Variants in RAB3C observed in about 807,000 individuals in gnomAD.
The protein encoded by RAB3C is ras-related protein Rab-3C.
RAB3C carries 17 observed loss-of-function variants against 26.4 expected under a neutral mutation model. That is an observed-to-expected ratio of 0.64 (90% CI 0.44 to 0.97). The LOEUF (loss-of-function observed/expected upper bound fraction) is 0.97. Among genes scored for constraint, RAB3C ranks in the 50% least tolerant of loss-of-function variants. RAB3C has a pLI of 0.00. For synonymous variants in RAB3C, 91 were observed against 95.9 expected (o/e 0.95, Z 0.30); for missense variants, 242 against 281.9 (o/e 0.86, Z 1.01).
chr5:58,596,431 A>C (rs1414139989), intron 1 of RAB3C, among the ~76,000 whole-genome samples: 6 of 147,266 alleles, frequency 4.1e-5, no homozygotes, highest in Non-Finnish European at 1.5e-5. Context: ...ATTATTGTAG[A>C]GAGGTTTAGG....
intron 2 of RAB3C, among the ~76,000 whole-genome samples, 182 bp downstream of exon 2, chr5:58,618,052 G>C (rs1014625084): frequency 2.0e-4 from 26 of 130,790 alleles, no homozygotes; most frequent in Non-Finnish European, 3.9e-4. Flanking sequence ...AAGACATGAG[G>C]GGTGAATTAT....
At chr5:58,641,446 A>G (rs1747410638) in intron 2 of RAB3C, among the ~76,000 whole-genome samples, 1 of 152,222 alleles carries the variant, frequency 6.6e-6, no homozygotes, top group Non-Finnish European at 1.5e-5. Flanking sequence ...AACACCAGAA[A>G]TAGCATGGAA....
At chr5:58,829,590 C>T (rs918872399) in intron 4 of RAB3C, among the ~76,000 whole-genome samples, 4 of 152,156 alleles carry the variant, frequency 2.6e-5, no homozygotes, top group Admixed American at 2.0e-4. Context: ...ACTATAATTG[C>T]TTCTGAGGAG....
intron 2 of RAB3C, among the ~76,000 whole-genome samples, chr5:58,675,939 C>A (rs1748216168): frequency 6.7e-6 from 1 of 149,722 alleles, no homozygotes; most frequent in South Asian, 2.1e-4. Context: ...AGCTGGCCCA[C>A]CAAATTCCTT....
intron 3 of RAB3C, among the ~76,000 whole-genome samples, chr5:58,813,615 TATATATATATATATATATACAC>T (rs1420131070): frequency 0.092 from 5,637 of 61,114 alleles, 510 homozygotes; most frequent in African/African-American, 0.23. Flanking sequence ...TATATATATA[TATATATATATATATATATACAC>T]ACACACACAC....
At chr5:58,722,373 A>T (rs1740789782) in intron 2 of RAB3C, among the ~76,000 whole-genome samples, 1 of 151,560 alleles carries the variant, frequency 6.6e-6, no homozygotes, top group South Asian at 2.1e-4. Flanking sequence ...GGCAGCAGGC[A>T]TGGGGTCCCA....
intron 2 of RAB3C, among the ~76,000 whole-genome samples, chr5:58,693,906 C>T (rs158980): frequency 6.6e-6 from 1 of 151,832 alleles, no homozygotes; most frequent in Non-Finnish European, 1.5e-5. Context: ...CTATCCCATA[C>T]GTTCCCATCT....
chr5:58,818,795 G>A (rs1743274521), intron 3 of RAB3C, among the ~76,000 whole-genome samples: 1 of 152,202 alleles, frequency 6.6e-6, no homozygotes, highest in Non-Finnish European at 1.5e-5. Flanking sequence ...CTCATGAGAT[G>A]ATTGGAAATG....
intron 3 of RAB3C, among the ~76,000 whole-genome samples, chr5:58,759,483 A>C (rs1161365100): frequency 6.6e-6 from 1 of 152,202 alleles, no homozygotes. Context: ...TTTTGGAACA[A>C]GTGAGTAGGT....
At chr5:58,604,160 C>A (rs1746512324) in intron 1 of RAB3C, among the ~76,000 whole-genome samples, 2 of 152,180 alleles carry the variant, frequency 1.3e-5, no homozygotes, top group South Asian at 4.1e-4. Flanking sequence ...GTGATGTGAA[C>A]CATCTGTGGG....
At chr5:58,725,869 C>A in intron 2 of RAB3C, 133 bp from the exon 3 acceptor site, 7 of 498,940 alleles carry the variant, frequency 1.4e-5, no homozygotes, top group South Asian at 5.3e-5. Flanking sequence ...GAAACAAGAC[C>A]AAAAAAGATA....
chr5:58,775,820 G>T (rs1182337253), intron 3 of RAB3C, among the ~76,000 whole-genome samples: 1 of 152,044 alleles, frequency 6.6e-6, no homozygotes, highest in African/African-American at 2.4e-5. Flanking sequence ...TCCGGGCTTC[G>T]GTCTGGTGCT....
intron 2 of RAB3C, among the ~76,000 whole-genome samples, chr5:58,634,599 A>C (rs1561273840): frequency 6.6e-6 from 1 of 152,228 alleles, no homozygotes; most frequent in African/African-American, 2.4e-5. Context: ...GGCTTAGACC[A>C]AGAAAAAATT....
chr5:58,648,296 C>T (rs928520497), intron 2 of RAB3C, among the ~76,000 whole-genome samples: 1 of 152,104 alleles, frequency 6.6e-6, no homozygotes, highest in African/African-American at 2.4e-5. Flanking sequence ...ACCCATCCAC[C>T]CATCCATGCA....
At chr5:58,693,725 T>A (rs1194679317) in intron 2 of RAB3C, among the ~76,000 whole-genome samples, 3 of 152,146 alleles carry the variant, frequency 2.0e-5, no homozygotes, top group Non-Finnish European at 2.9e-5. Context: ...TACATATGTC[T>A]CTGTAAACCC....
intron 1 of RAB3C, among the ~76,000 whole-genome samples, chr5:58,586,064 G>A (rs949701826): frequency 2.0e-5 from 3 of 151,912 alleles, no homozygotes; most frequent in Non-Finnish European, 4.4e-5. Context: ...ACAAATTCTA[G>A]TTTATCTAGT....
chr5:58,802,545 T>C (rs368659110), intron 3 of RAB3C, among the ~76,000 whole-genome samples: 7 of 152,356 alleles, frequency 4.6e-5, no homozygotes, highest in African/African-American at 1.7e-4. Flanking sequence ...GTTGCAACCG[T>C]TCTTAGAAGT....
intron 2 of RAB3C, among the ~76,000 whole-genome samples, chr5:58,650,766 C>G (rs954416494): frequency 1.3e-5 from 2 of 152,084 alleles, no homozygotes; most frequent in African/African-American, 4.8e-5. Context: ...CATGATTCCC[C>G]CTATGAATTA....
chr5:58,657,232 G>T (rs183997926), intron 2 of RAB3C, among the ~76,000 whole-genome samples: 1 of 151,972 alleles, frequency 6.6e-6, no homozygotes, highest in South Asian at 2.1e-4. Flanking sequence ...GAGGACTTTG[G>T]GGGGAAGAAT....
Sources: allele counts gnomAD v4.1 joint callset (sites outside exome capture counted in the v4.1 genomes callset), GRCh38; gene constraint gnomAD v4.1.1; transcripts MANE v1.5; gene names NCBI Gene and HGNC (gene_info 2026-07-23, HGNC 2026-07-21).